Variants in C8orf34 observed in about 807,000 individuals in gnomAD.
C8orf34 encodes the protein uncharacterized protein C8orf34.
A neutral mutation model predicts 68.3 loss-of-function variants in C8orf34; 65 were observed. That is an observed-to-expected ratio of 0.95 (90% CI 0.78 to 1.17). C8orf34 has a LOEUF of 1.17. C8orf34 is among the 50% of genes most tolerant of loss of function. The pLI is 0.00. For missense variants in C8orf34, 664 were observed against 655.4 expected, an observed-to-expected ratio of 1.01 and a Z score of -0.14; for synonymous variants, 244 against 241.2, an observed-to-expected ratio of 1.01 and a Z score of -0.11.
Position 68,368,880 on chromosome 8 carries a change from T to G in C8orf34, c.327+37541T>G, listed in dbSNP as rs145863241. 5.3e-3 allele frequency among the ~76,000 whole-genome samples: 801 copies of G among 152,270 alleles called. 9 individuals carry two copies. The highest frequency in any genetic ancestry group is 0.018 in the African/African-American group (730 of 41,566). On this transcript the variant is annotated intron_variant, in intron 1 of 13. Coordinates refer to ENST00000518698, the MANE Select transcript of C8orf34 (RefSeq NM_052958.4). ...TGGATTGCTAACATTTGGTTTAAGATTTTTTTCCCTCTACTTTTGGAGGGT... is the reference window on the plus strand; with the variant it reads ...TGGATTGCTAACATTTGGTTTAAGAGTTTTTTCCCTCTACTTTTGGAGGGT...
chr8:68,761,958 A>G (rs1373729442), intron 10 of C8orf34, among the ~76,000 whole-genome samples: 9 of 152,198 alleles, frequency 5.9e-5, no homozygotes, highest in African/African-American at 2.2e-4. Flanking sequence ...CAGCTTCTTG[A>G]TAACTTTGAA....
intron 1 of C8orf34, among the ~76,000 whole-genome samples, chr8:68,404,187 T>C (rs1809086328): frequency 1.3e-5 from 2 of 152,186 alleles, no homozygotes; most frequent in African/African-American, 4.8e-5. Context: ...TTGAGAAGAG[T>C]CTGTTCATAT....
intron 12 of C8orf34, among the ~76,000 whole-genome samples, chr8:68,793,516 G>T (rs750098843): frequency 5.9e-5 from 9 of 152,086 alleles, no homozygotes; most frequent in Non-Finnish European, 1.3e-4. Flanking sequence ...TCTTTGCAGG[G>T]ACATGGATGA....
intron 1 of C8orf34, among the ~76,000 whole-genome samples, chr8:68,387,564 G>C (rs189583866): frequency 6.6e-6 from 1 of 152,218 alleles, no homozygotes; most frequent in African/African-American, 2.4e-5. Context: ...CTGGTGGAGA[G>C]GATGATAGAG....
At chr8:68,801,646 A>G (rs1019870003) in intron 12 of C8orf34, among the ~76,000 whole-genome samples, 4 of 152,184 alleles carry the variant, frequency 2.6e-5, no homozygotes, top group African/African-American at 7.2e-5. Flanking sequence ...TTTCACAAAT[A>G]TACTCTATAG....
intron 5 of C8orf34, among the ~76,000 whole-genome samples, chr8:68,511,565 G>C (rs1378880517): frequency 7.2e-6 from 1 of 139,148 alleles, no homozygotes; most frequent in Non-Finnish European, 1.5e-5. Flanking sequence ...GAACTGGCAG[G>C]AAAGTTTTTT....
intron 2 of C8orf34, among the ~76,000 whole-genome samples, chr8:68,445,472 C>A (rs971429578): frequency 1.3e-5 from 2 of 152,070 alleles, no homozygotes; most frequent in Non-Finnish European, 2.9e-5. Context: ...ACATGAAATT[C>A]TTGTAAAAGA....
intron 1 of C8orf34, among the ~76,000 whole-genome samples, chr8:68,391,786 A>G (rs1808489411): frequency 6.6e-6 from 1 of 152,162 alleles, no homozygotes; most frequent in South Asian, 2.1e-4. Flanking sequence ...ACCACAGCAG[A>G]GGGACCGGAA....
intron 8 of C8orf34, among the ~76,000 whole-genome samples, chr8:68,700,281 T>C (rs1170415524): frequency 6.6e-6 from 1 of 152,122 alleles, no homozygotes; most frequent in Non-Finnish European, 1.5e-5. Flanking sequence ...GATGCAGGGA[T>C]ATCTGGGAGG....
intron 9 of C8orf34, among the ~76,000 whole-genome samples, chr8:68,709,691 G>A (rs532623747): frequency 2.0e-4 from 31 of 151,882 alleles, no homozygotes; most frequent in Admixed American, 4.6e-4. Flanking sequence ...GGCCCTCCTC[G>A]GACTATCTCA....
chr8:68,629,848 G>T (rs1439878975), intron 7 of C8orf34, among the ~76,000 whole-genome samples: 1 of 151,710 alleles, frequency 6.6e-6, no homozygotes, highest in African/African-American at 2.4e-5. Context: ...TAATGATAAG[G>T]GCGTGCGTAT....
At chr8:68,553,405 A>AAAACC (rs1554577326) in intron 7 of C8orf34, among the ~76,000 whole-genome samples, 1 of 141,052 alleles carries the variant, frequency 7.1e-6, no homozygotes, top group Non-Finnish European at 1.5e-5. Flanking sequence ...AAAAAAAAAA[A>AAAACC]AAAAACATAT....
At chr8:68,695,027 A>C (rs1425944535) in intron 8 of C8orf34, among the ~76,000 whole-genome samples, 1 of 152,106 alleles carries the variant, frequency 6.6e-6, no homozygotes, top group Admixed American at 6.6e-5. Flanking sequence ...GGTTATGTTA[A>C]ACACAAAGTT....
At chr8:68,443,515 C>T (rs1296118919) in intron 2 of C8orf34, among the ~76,000 whole-genome samples, 1 of 152,022 alleles carries the variant, frequency 6.6e-6, no homozygotes, top group East Asian at 1.9e-4. Context: ...CTGCCTCAGC[C>T]ACCCAAGTAG....
intron 7 of C8orf34, among the ~76,000 whole-genome samples, chr8:68,592,593 CTTCTTTTT>C (rs1173861479): frequency 3.4e-5 from 4 of 116,802 alleles, no homozygotes; most frequent in Non-Finnish European, 1.7e-5. Context: ...CAATTTATCT[CTTCTTTTT>C]TTTTTTTTTT....
intron 11 of C8orf34, among the ~76,000 whole-genome samples, chr8:68,784,619 A>G (rs1466842481): frequency 1.3e-5 from 2 of 152,122 alleles, no homozygotes; most frequent in African/African-American, 4.8e-5. Context: ...CCATTCATTT[A>G]TTTATTTGAA....
chr8:68,337,564 C>G (rs1055267975), intron 1 of C8orf34, among the ~76,000 whole-genome samples: 7 of 152,094 alleles, frequency 4.6e-5, no homozygotes, highest in African/African-American at 1.7e-4. Context: ...TGAATGTGGT[C>G]TCTATGTGAA....
At chr8:68,700,523 G>T (rs986805265) in intron 8 of C8orf34, among the ~76,000 whole-genome samples, 3 of 152,094 alleles carry the variant, frequency 2.0e-5, no homozygotes, top group African/African-American at 7.2e-5. Context: ...CCATTCAAAT[G>T]CTGAGGGAAT....
At chr8:68,337,442 T>A (rs1447581591) in intron 1 of C8orf34, among the ~76,000 whole-genome samples, 1 of 152,144 alleles carries the variant, frequency 6.6e-6, no homozygotes, top group African/African-American at 2.4e-5. Flanking sequence ...GTTAAAGTCA[T>A]GAGGGTCAAG....
Sources: allele counts gnomAD v4.1 joint callset (sites outside exome capture counted in the v4.1 genomes callset), GRCh38; gene constraint gnomAD v4.1.1; transcripts MANE v1.5; gene names NCBI Gene and HGNC (gene_info 2026-07-23, HGNC 2026-07-21).